The following UTRN variants were observed in gnomAD, a reference collection of about 807,000 sequenced individuals.
UTRN encodes dystrophin-related protein 1.
In UTRN, 283 loss-of-function variants were observed where a neutral mutation model predicts 463.9. The observed-to-expected ratio is 0.61, with a 90% confidence interval of 0.55 to 0.67. UTRN has a LOEUF of 0.67. Ranked by LOEUF, UTRN falls within the 30% of genes least tolerant of loss-of-function variation. UTRN has a pLI of 0.00. For missense variants in UTRN, 3,922 were observed against 4,084.3 expected, an observed-to-expected ratio of 0.96 and a Z score of 1.08; for synonymous variants, 1,442 against 1,431.5, an observed-to-expected ratio of 1.01 and a Z score of -0.17.
chr6:144,423,625 A>G lies in UTRN; in HGVS notation c.311A>G (p.Asn104Ser), dbSNP rs1009817586. Residue 104 changes from asparagine to serine, a missense_variant and splice_region_variant, in exon 5 of 75, where the codon AAT becomes AGT. By Grantham distance (46) the Asn-to-Ser change is conservative. Coordinates refer to ENST00000367545, the MANE Select transcript of UTRN (RefSeq NM_007124.3). ...NRVLQVLHQN[N>S]VELVNIGGTD... ...GTGCTGCAGGTTTTACATCAGAACA[A>G]TGTAAGTGTGTAATGTGAGTTCTGG... 6.8e-6 allele frequency: 11 copies of G among 1,614,124 alleles called. No individual in the cohort carries two copies. Among genetic ancestry groups the G allele is most frequent in the Non-Finnish European group, 9.3e-6 (11 of 1,180,044 alleles).
chr6:144,296,689 G>A (rs184714654), intron 2 of UTRN, among the ~76,000 whole-genome samples: 5 of 152,268 alleles, frequency 3.3e-5, no homozygotes, highest in East Asian at 3.9e-4. Context: ...ATTGCTGCTC[G>A]GTGACTCTTC....
chr6:144,777,603 T>TA (rs1158809538), intron 60 of UTRN, among the ~76,000 whole-genome samples: 2 of 152,228 alleles, frequency 1.3e-5, no homozygotes, highest in Non-Finnish European at 1.5e-5. Context: ...AGACCACACA[T>TA]ATGTATTTTC....
rs9497055 is a variant in UTRN at position 144,711,097 on chromosome 6, C to T, written c.7809+10854C>T. On this transcript the variant is annotated intron_variant, in intron 53 of 74. Coordinates refer to ENST00000367545, the MANE Select transcript of UTRN (RefSeq NM_007124.3). ...CTTTGGGAAGCCGAGGCGGGTGGAT[C>T]ACTTGAGGCCAGGAGTTCTAGATTA... Among the ~76,000 whole-genome samples the T allele has an allele frequency of 7.1e-3, 1,079 of 152,266 alleles. 9 individuals are homozygous for T. Among genetic ancestry groups the T allele is most frequent in the African/African-American group, 0.025 (1,038 of 41,538 alleles).
chr6:144,711,296 C>T (rs1300698670), intron 53 of UTRN, among the ~76,000 whole-genome samples: 1 of 151,430 alleles, frequency 6.6e-6, no homozygotes, highest in Non-Finnish European at 1.5e-5. Context: ...AGCCTGGCAA[C>T]AGATTGAGAC....
At chr6:144,529,741 C>T (rs12202539) in intron 41 of UTRN, among the ~76,000 whole-genome samples, 23,898 of 151,728 alleles carry the variant, frequency 0.16, 2,140 homozygotes, top group South Asian at 0.31. Flanking sequence ...TGGAGAAAGA[C>T]GATATACACA....
At position 144,828,859 on chromosome 6, in the gene UTRN, A is replaced by C; in HGVS notation, c.9665+4A>C. 6.2e-7 allele frequency: 1 copy of C among 1,613,196 alleles called. No homozygotes were observed. Among genetic ancestry groups the C allele is most frequent in the South Asian group, 1.1e-5 (1 of 91,038 alleles). On this transcript the variant is annotated splice_donor_region_variant and intron_variant, in intron 69 of 74. Coordinates refer to ENST00000367545, the MANE Select transcript of UTRN (RefSeq NM_007124.3). ...GCAGCTCCACCACAGGAAGTGTGTA[A>C]GTAAATCATGAAATTAGTGCTGCCT...
At chr6:144,660,085 A>G (rs1468434158) in intron 51 of UTRN, 3 of 395,680 alleles carry the variant, frequency 7.6e-6, no homozygotes, top group South Asian at 1.9e-5. Flanking sequence ...CTGATGGACC[A>G]TAGCTCAAGG....
intron 51 of UTRN, among the ~76,000 whole-genome samples, chr6:144,648,678 TG>T (rs1778511586): frequency 6.6e-6 from 1 of 152,072 alleles, no homozygotes; most frequent in African/African-American, 2.4e-5. Flanking sequence ...CCTTAGAAAA[TG>T]GAACGATGGA....
At chr6:144,632,013 C>T (rs1776580625) in intron 51 of UTRN, among the ~76,000 whole-genome samples, 1 of 152,140 alleles carries the variant, frequency 6.6e-6, no homozygotes, top group African/African-American at 2.4e-5. Flanking sequence ...ACCTGGGAAG[C>T]GCCAGGGTCC....
intron 51 of UTRN, among the ~76,000 whole-genome samples, chr6:144,638,403 A>T (rs142736837): frequency 1.9e-3 from 293 of 152,312 alleles, no homozygotes; most frequent in African/African-American, 6.7e-3. Flanking sequence ...TTTGTTTTGA[A>T]TGTGGTGAAA....
chr6:144,430,894 T>C (rs1276368692), intron 9 of UTRN, among the ~76,000 whole-genome samples: 1 of 152,140 alleles, frequency 6.6e-6, no homozygotes, highest in East Asian at 1.9e-4. Context: ...CATCCTTTTA[T>C]TTCCCCCGTT....
At chr6:144,825,823 A>G (rs1408083431) in intron 66 of UTRN, among the ~76,000 whole-genome samples, 1 of 152,134 alleles carries the variant, frequency 6.6e-6, no homozygotes, top group Non-Finnish European at 1.5e-5. Flanking sequence ...GTGACGTGGA[A>G]ATAGTATTGA....
At chr6:144,471,760 A>G (rs973200093) in intron 23 of UTRN, among the ~76,000 whole-genome samples, 1 of 152,230 alleles carries the variant, frequency 6.6e-6, no homozygotes, top group Non-Finnish European at 1.5e-5. Context: ...GCTTGGGGAA[A>G]GTGTGCAATG....
chr6:144,474,301 A>C (rs1002375170), intron 24 of UTRN, among the ~76,000 whole-genome samples: 1 of 151,986 alleles, frequency 6.6e-6, no homozygotes, highest in Non-Finnish European at 1.5e-5. Flanking sequence ...AAAAACAAGA[A>C]ATGAATTTGC....
At chr6:144,319,074 AAAAC>A (rs138535639) in intron 2 of UTRN, among the ~76,000 whole-genome samples, 14,693 of 152,130 alleles carry the variant, frequency 0.097, 2,331 homozygotes, top group African/African-American at 0.33. Context: ...GTCTCAAAAT[AAAAC>A]AAACAAAAAT....
intron 25 of UTRN, among the ~76,000 whole-genome samples, chr6:144,478,496 T>C (rs918378165): frequency 3.3e-5 from 5 of 152,194 alleles, no homozygotes; most frequent in African/African-American, 9.6e-5. Flanking sequence ...CAGCCAGGCT[T>C]GGGAATGGGA....
chr6:144,500,317 G>A (rs1419623020), intron 34 of UTRN, among the ~76,000 whole-genome samples: 1 of 152,172 alleles, frequency 6.6e-6, no homozygotes, highest in African/African-American at 2.4e-5. Flanking sequence ...TCTAAATGGT[G>A]TGAGATGGTA....
chr6:144,630,622 G>C (rs1198321909), intron 51 of UTRN, among the ~76,000 whole-genome samples: 4 of 152,196 alleles, frequency 2.6e-5, no homozygotes, highest in Admixed American at 2.0e-4. Context: ...AATTCAAGGT[G>C]AGATTTGGAT....
chr6:144,475,294 A>G (rs1486490808), intron 25 of UTRN, among the ~76,000 whole-genome samples: 1 of 152,244 alleles, frequency 6.6e-6, no homozygotes, highest in East Asian at 1.9e-4. Context: ...TGAGTAAAGT[A>G]AGAGATGAGC....
Sources: gnomAD v4.1 joint callset for allele counts (sites outside exome capture counted in the v4.1 genomes callset) on GRCh38, gnomAD v4.1.1 for gene constraint, MANE v1.5 for transcripts, NCBI Gene and HGNC (gene_info 2026-07-23, HGNC 2026-07-21) for gene names.